The following RAI1 variants were observed in gnomAD, a reference collection of about 807,000 sequenced individuals.
The protein encoded by RAI1 is retinoic acid-induced protein 1.
A neutral mutation model predicts 123.8 loss-of-function variants in RAI1; 9 were observed. The observed-to-expected ratio is 0.07, with a 90% CI of 0.04 to 0.13. The LOEUF is 0.13. Among genes scored for constraint, RAI1 ranks in the 10% least tolerant of loss-of-function variants. The pLI, the probability that RAI1 is intolerant of heterozygous loss-of-function variation, is 1.00. For missense variants in RAI1, 2,256 were observed against 2,545.8 expected (o/e 0.89, Z 2.45); for synonymous variants, 1,231 against 1,127.3 (o/e 1.09, Z -1.84).
At chr17:17,756,901 G>A (rs1351714265) in intron 2 of RAI1, among the ~76,000 whole-genome samples, 1 of 152,166 alleles carries the variant, frequency 6.6e-6, no homozygotes, top group Non-Finnish European at 1.5e-5. Flanking sequence ...CGGTGGGAAC[G>A]GTATTCTGTT....
At chr17:17,798,967 G>C (rs968595191) in intron 3 of RAI1, among the ~76,000 whole-genome samples, 2 of 151,408 alleles carry the variant, frequency 1.3e-5, no homozygotes. Flanking sequence ...ATGAAGCTAA[G>C]GGCTCAGGAA....
chr17:17,691,578 T>C lies in RAI1; in HGVS notation c.-149+9785T>C, dbSNP rs571570611. Reference sequence around the variant, plus strand: ...CTGAGGGCACAGCCCAGGCAAAGGCTCAGAGGCAGAAAGTGCAGGAGTGTG... The same window carrying C: ...CTGAGGGCACAGCCCAGGCAAAGGCCCAGAGGCAGAAAGTGCAGGAGTGTG... On this transcript the variant is annotated intron_variant, in intron 1 of 5. Coordinates refer to ENST00000353383, the MANE Select transcript of RAI1 (RefSeq NM_030665.4). 1.9e-3 allele frequency among the ~76,000 whole-genome samples: 294 copies of C among 152,282 alleles called. 5 individuals are homozygous for C. Among genetic ancestry groups the C allele is most frequent in the Admixed American group, 0.017 (258 of 15,308 alleles).
chr17:17,794,847 C>G lies in RAI1; in HGVS notation c.1899C>G (p.Val633=). 1 of 1,613,252 alleles carries G rather than the reference C, an allele frequency of 6.2e-7. No homozygotes were observed. Among genetic ancestry groups the G allele is most frequent in the Non-Finnish European group, 8.5e-7 (1 of 1,179,984 alleles). The change falls in exon 3 of 6, where the codon GTC becomes GTG. Residue 633 remains valine, a synonymous_variant. Coordinates refer to ENST00000353383, the MANE Select transcript of RAI1 (RefSeq NM_030665.4). ...DKAWAEAPSL[V]KDSSKPPFSL... Reference sequence around the variant, plus strand: ...CTTGGGCTGAAGCACCCAGCCTGGTCAAGGACAGCAGCAAGCCACCCTTCT... The same window carrying G: ...CTTGGGCTGAAGCACCCAGCCTGGTGAAGGACAGCAGCAAGCCACCCTTCT...
Position 17,793,602 on chromosome 17 carries a change from C to T in RAI1, c.654C>T (p.Thr218=). The change falls in exon 3 of 6, where the codon ACC becomes ACT. Residue 218 remains threonine (T), a synonymous_variant. Transcript: ENST00000353383. ...HFPQHSQSFP[T]SSTYSSSVQG... is the part of the protein sequence containing the mutation. Reference sequence around the variant, plus strand: ...CTCAGCATTCCCAGTCCTTCCCCACCTCCTCCACCTACTCCTCCTCTGTCC... The same window carrying T: ...CTCAGCATTCCCAGTCCTTCCCCACTTCCTCCACCTACTCCTCCTCTGTCC... 3 of 1,613,674 alleles carry T rather than the reference C, an allele frequency of 1.9e-6. No individual in the cohort carries two copies. The highest frequency in any genetic ancestry group is 1.1e-5 in the South Asian group (1 of 91,088).
rs1474640087 is a variant in RAI1, at chr17:17,708,443, C to T, written c.-148-15585C>T. The stretch of plus-strand genomic sequence containing the variant: ...ACACACACACATATATATATATGTA[C>T]ATTTTTTTCCCTTAGAGACAGAGTC... On this transcript the variant is annotated intron_variant, in intron 1 of 5. Transcript: ENST00000353383. 1.6e-4 allele frequency among the ~76,000 whole-genome samples: 24 copies of T among 151,074 alleles called. 1 individual carries two copies. Among genetic ancestry groups the T allele is most frequent in the Admixed American group, 1.6e-3 (24 of 15,186 alleles).
intron 2 of RAI1, among the ~76,000 whole-genome samples, chr17:17,732,183 A>G (rs1916293607): frequency 6.6e-6 from 1 of 152,116 alleles, no homozygotes; most frequent in Non-Finnish European, 1.5e-5. Flanking sequence ...AGGTCTGGCA[A>G]CTGTGGTTCA....
intron 2 of RAI1, among the ~76,000 whole-genome samples, chr17:17,765,573 C>A (rs1438028524): frequency 6.6e-6 from 1 of 152,280 alleles, no homozygotes; most frequent in Non-Finnish European, 1.5e-5. Flanking sequence ...TTCTAGTACA[C>A]AGGCAAGAAT....
At chr17:17,691,494 AAG>A (rs1451895670) in intron 1 of RAI1, among the ~76,000 whole-genome samples, 4 of 152,226 alleles carry the variant, frequency 2.6e-5, no homozygotes, top group African/African-American at 9.6e-5. Flanking sequence ...AGCGGGAAGA[AAG>A]AGGGATGCGA....
chr17:17,702,093 G>T (rs574904090), intron 1 of RAI1, among the ~76,000 whole-genome samples: 1 of 152,358 alleles, frequency 6.6e-6, no homozygotes, highest in South Asian at 2.1e-4. Flanking sequence ...TGAGCTAATT[G>T]GCAGGAATAG....
At chr17:17,804,196 C>A in intron 4 of RAI1, 1 of 366,592 alleles carries the variant, frequency 2.7e-6, no homozygotes, top group Non-Finnish European at 5.3e-6. Flanking sequence ...GAGGTTGGGC[C>A]TTTGAAGGAT....
chr17:17,729,605 C>G (rs7209595), intron 2 of RAI1, among the ~76,000 whole-genome samples: 76,771 of 152,120 alleles, frequency 0.5, 19,718 homozygotes, highest in Middle Eastern at 0.57. Context: ...TAGCTTTTTC[C>G]GGAGAGGACT....
At chr17:17,751,730 T>C (rs557100301) in intron 2 of RAI1, among the ~76,000 whole-genome samples, 31 of 152,202 alleles carry the variant, frequency 2.0e-4, no homozygotes, top group Admixed American at 1.5e-3. Context: ...GATTCCTCCT[T>C]CTCCTTAGAG....
intron 1 of RAI1, among the ~76,000 whole-genome samples, chr17:17,693,643 G>A (rs1444382627): frequency 6.6e-6 from 1 of 152,262 alleles, no homozygotes; most frequent in African/African-American, 2.4e-5. Context: ...TGGCTGGGCA[G>A]GCAGCTTGGA....
At chr17:17,706,546 C>G (rs1390766144) in intron 1 of RAI1, among the ~76,000 whole-genome samples, 2 of 152,182 alleles carry the variant, frequency 1.3e-5, no homozygotes, top group African/African-American at 4.8e-5. Flanking sequence ...TGGTTGTGAG[C>G]TGCACCAGCA....
intron 1 of RAI1, among the ~76,000 whole-genome samples, chr17:17,715,865 T>C (rs1224007564): frequency 1.3e-5 from 2 of 152,204 alleles, no homozygotes; most frequent in Non-Finnish European, 2.9e-5. Context: ...GAATCGTACA[T>C]ATTCTGTTCC....
At chr17:17,766,896 C>G (rs1285692835) in intron 2 of RAI1, among the ~76,000 whole-genome samples, 1 of 150,636 alleles carries the variant, frequency 6.6e-6, no homozygotes, top group Non-Finnish European at 1.5e-5. Flanking sequence ...GGGCAGGAAT[C>G]TGGTCTTGTG....
chr17:17,711,028 C>G (rs916799322), intron 1 of RAI1, among the ~76,000 whole-genome samples: 1 of 152,194 alleles, frequency 6.6e-6, no homozygotes, highest in African/African-American at 2.4e-5. Context: ...CTCCCTCACA[C>G]GGTTTGTTTG....
chr17:17,804,966 G>A (rs530617421), intron 4 of RAI1, among the ~76,000 whole-genome samples: 35 of 152,182 alleles, frequency 2.3e-4, no homozygotes, highest in Non-Finnish European at 3.2e-4. Flanking sequence ...GAGTTCAAGC[G>A]ATTCTCCTGC....
At position 17,797,363 on chromosome 17, in the gene RAI1, C is replaced by G. The variant is rs975859256; in HGVS notation, c.4415C>G (p.Ala1472Gly). The G allele has an allele frequency of 6.2e-6, 10 of 1,612,600 alleles. No individual in the cohort carries two copies. Among genetic ancestry groups the G allele is most frequent in the Non-Finnish European group, 8.5e-6 (10 of 1,179,760 alleles). Residue 1472 changes from alanine (A) to glycine (G), a missense_variant, in exon 3 of 6, where the codon GCT becomes GGT. Ala to Gly is a moderately conservative substitution (Grantham distance 60, BLOSUM62 0). Around this residue, in one of 7 missense-constraint regions of RAI1, gnomAD observed 410 missense variants for 374.6 expected, o/e 1.09. Transcript: ENST00000353383. ...GAGAAGCGGCCCTATCTTGGCCCGG[C>G]TCTGCTCCTGACTCCCCGAGACAGG... ...PLEKRPYLGP[A>G]LLLTPRDRAS...
Sources: gnomAD v4.1 joint callset for allele counts (sites outside exome capture counted in the v4.1 genomes callset) on GRCh38, gnomAD v4.1.1 for gene constraint, gnomAD v4.1.1 regional missense constraint, MANE v1.5 for transcripts, NCBI Gene and HGNC (gene_info 2026-07-23, HGNC 2026-07-21) for gene names.